HLA-DPB1: variants seen among roughly 807,000 people sequenced by gnomAD.
The protein encoded by HLA-DPB1 is major histocompatibility complex, class II, DP beta 1.
Under a neutral mutation model 29.4 loss-of-function variants are expected in HLA-DPB1, and 30 were observed. The ratio of observed to expected loss-of-function variants is 1.02; its 90% CI spans 0.76 to 1.38. The LOEUF (loss-of-function observed/expected upper bound fraction) is 1.38, where lower values mean the gene tolerates loss of function less well. Among genes scored for constraint, HLA-DPB1 ranks in the 40% most tolerant of loss-of-function variants. The pLI, the probability that HLA-DPB1 is intolerant of heterozygous loss-of-function variation, is 0.00. For missense variants in HLA-DPB1, 261 were observed against 327.5 expected (o/e 0.80, Z 1.57); for synonymous variants, 114 against 134.0 (o/e 0.85, Z 1.03).
intron 4 of HLA-DPB1, 73 bp downstream of exon 4, chr6:33,085,962 T>TC: frequency 1.0e-6 from 1 of 961,842 alleles, no homozygotes; most frequent in East Asian, 2.7e-5. Flanking sequence ...GATGAGGGGT[T>TC]TGACAGAAAA....
intron 2 of HLA-DPB1, among the ~76,000 whole-genome samples, chr6:33,081,621 G>A (rs1002923803): frequency 2.0e-5 from 3 of 152,120 alleles, no homozygotes; most frequent in African/African-American, 4.8e-5. Flanking sequence ...AACAGAAGAT[G>A]GAAAGTGGGT....
In HLA-DPB1 at chr6:33,085,234, G is replaced by A. The variant is rs1193051291; in HGVS notation, c.646+3G>A. On this transcript the variant is annotated splice_donor_region_variant and intron_variant, in intron 3 of 5. Transcript: ENST00000418931. ...TAGTCCTGTCACCGTGGAGTGGAGT[G>A]AGTCTCTGATGACCCTCTAGACCCC... 2 of 1,600,742 alleles carry A rather than the reference G, an allele frequency of 1.2e-6. No individual in the cohort carries two copies. Among genetic ancestry groups the A allele is most frequent in the African/African-American group, 1.3e-5 (1 of 74,602 alleles).
Position 33,080,689 on chromosome 6 carries a change from G to T in HLA-DPB1, c.118G>T (p.Gly40Ter), listed in dbSNP as rs1126511. 349,354 of 1,605,114 alleles carry T rather than the reference G, an allele frequency of 0.22. 39,608 individuals are homozygous for T. Among genetic ancestry groups the T allele is most frequent in the South Asian group, 0.29 (26,585 of 90,890 alleles). ...CCCCGCAGAGAATTACCTTTTCCAG[G>T]GACGGCAGGAATGCTACGCGTTTAA... Reference protein sequence around the residue: ...RATPENYLFQGRQECYAFNGT... With the variant: ...RATPENYLFQ The change falls in exon 2 of 6, where the codon GGA becomes TGA. Residue 40 changes from glycine (G) to a stop codon, truncating the protein, a stop_gained. Transcript: ENST00000418931. LOFTEE classifies it high-confidence loss of function. The surrounding 1 kb of genome is among the most constrained non-coding windows in gnomAD (Gnocchi z 4.3).
At chr6:33,081,833 T>C (rs9501250) in intron 2 of HLA-DPB1, among the ~76,000 whole-genome samples, 5,932 of 151,958 alleles carry the variant, frequency 0.039, 169 homozygotes, top group African/African-American at 0.081. Flanking sequence ...TGTAAAGGGA[T>C]GGAGAGAGGT....
intron 2 of HLA-DPB1, among the ~76,000 whole-genome samples, chr6:33,083,036 T>TG (rs1429612770): frequency 6.6e-6 from 1 of 152,292 alleles, no homozygotes; most frequent in African/African-American, 2.4e-5. Flanking sequence ...AGAAGCTCTA[T>TG]GGGGAAGAAA....
chr6:33,078,669 T>C (rs1265687453), intron 1 of HLA-DPB1, among the ~76,000 whole-genome samples: 1 of 152,224 alleles, frequency 6.6e-6, no homozygotes, highest in Non-Finnish European at 1.5e-5. Context: ...AAACCCCTCA[T>C]TGCTTATGTC....
At chr6:33,085,278 ACT>A (rs1763049662) in intron 3 of HLA-DPB1, 47 bp downstream of exon 3, 1 of 1,479,240 alleles carries the variant, frequency 6.8e-7, no homozygotes, top group Middle Eastern at 1.8e-4. Flanking sequence ...AGAGCAGGGG[ACT>A]CTCTGGCTCT....
intron 2 of HLA-DPB1, among the ~76,000 whole-genome samples, chr6:33,082,381 T>C (rs9277371): frequency 0.35 from 52,861 of 150,540 alleles, 10,647 homozygotes; most frequent in East Asian, 0.63. Context: ...TGAAGACTCT[T>C]CTGGAGATCC....
At chr6:33,084,057 AT>A (rs1562155283) in intron 2 of HLA-DPB1, 1 of 151,284 alleles carries the variant, frequency 6.6e-6, no homozygotes, top group Non-Finnish European at 1.5e-5. Flanking sequence ...AGGTAAAAAA[AT>A]ACATAGGTTT....
At position 33,079,789 on chromosome 6, in the gene HLA-DPB1, G is replaced by A. The variant is rs538806666; in HGVS notation, c.101-883G>A. On this transcript the variant is annotated intron_variant, in intron 1 of 5. Coordinates refer to ENST00000418931, the MANE Select transcript of HLA-DPB1 (RefSeq NM_002121.6). Reference sequence around the variant, plus strand: ...CCTCCAGAACTGCAAAGTCATCATGGAAAGAGTCACCCAGCCGGCCATCAG... The same window carrying A: ...CCTCCAGAACTGCAAAGTCATCATGAAAAGAGTCACCCAGCCGGCCATCAG... 65 of 474,886 alleles carry A rather than the reference G, an allele frequency of 1.4e-4. 1 individual carries two copies. Among genetic ancestry groups the A allele is most frequent in the South Asian group, 4.2e-4 (27 of 64,234 alleles). The allele number at this position is 474,886 out of a possible 1,614,324, so 29.4% of individuals were successfully genotyped here.
intron 1 of HLA-DPB1, 57 bp downstream of exon 1, chr6:33,076,198 A>G: frequency 1.7e-6 from 2 of 1,204,564 alleles, no homozygotes; most frequent in Non-Finnish European, 1.2e-6. Context: ...TTCCTAGGGG[A>G]CGTTATCTTT....
At chr6:33,076,629 A>T (rs1762555129) in intron 1 of HLA-DPB1, among the ~76,000 whole-genome samples, 1 of 152,112 alleles carries the variant, frequency 6.6e-6, no homozygotes, top group African/African-American at 2.4e-5. Context: ...ACAATTAAGG[A>T]GAGAAGGGAG....
Position 33,077,294 on chromosome 6 carries a change from G to A in HLA-DPB1, c.100+1153G>A, listed in dbSNP as rs562509699. ...ACAGTATTCCATGGTGTATATGTGT[G>A]CATTTTCTTAATCCAGTCTATCACT... On this transcript the variant is annotated intron_variant, in intron 1 of 5. Coordinates refer to ENST00000418931, the MANE Select transcript of HLA-DPB1 (RefSeq NM_002121.6). Among the ~76,000 whole-genome samples, 559 of 152,176 alleles carry A rather than the reference G, an allele frequency of 3.7e-3. 5 individuals are homozygous for A. Among genetic ancestry groups the A allele is most frequent in the East Asian group, 0.029 (150 of 5,168 alleles).
chr6:33,077,488 T>C lies in HLA-DPB1; in HGVS notation c.100+1347T>C, dbSNP rs189616402. 1.7e-3 allele frequency among the ~76,000 whole-genome samples: 261 copies of C among 152,234 alleles called. 4 individuals are homozygous for C. The East Asian group carries it at 0.032, about 19-fold the overall frequency. On this transcript the variant is annotated intron_variant, in intron 1 of 5. Coordinates refer to ENST00000418931, the MANE Select transcript of HLA-DPB1 (RefSeq NM_002121.6). ...TTCTAGTTCTAGATCTTTGAGGAAT[T>C]GCCACACTGTCTTGAGATACCATCT...
intron 4 of HLA-DPB1, 26 bp downstream of exon 4, chr6:33,085,915 G>C: frequency 6.9e-7 from 1 of 1,441,042 alleles, no homozygotes; most frequent in Non-Finnish European, 9.7e-7. Flanking sequence ...GGGTGAGCGG[G>C]ACTTACCTTC....
intron 1 of HLA-DPB1, among the ~76,000 whole-genome samples, chr6:33,077,873 C>T (rs141779368): frequency 4.0e-5 from 6 of 150,772 alleles, no homozygotes; most frequent in African/African-American, 1.2e-4. Flanking sequence ...AACCTCTTAT[C>T]TATTACCTTG....
Position 33,075,999 on chromosome 6 carries a change from C to T in HLA-DPB1, c.-43C>T, listed in dbSNP as rs1762514970. The T allele has an allele frequency of 6.8e-7, 1 of 1,478,248 alleles. No homozygotes were observed. Among genetic ancestry groups the T allele is most frequent in the African/African-American group, 1.4e-5 (1 of 72,340 alleles). 91.6% of individuals were successfully genotyped at this position (1,478,248 alleles called of 1,614,324 possible). On this transcript the variant is annotated 5_prime_UTR_variant, in exon 1 of 6. Transcript: ENST00000418931. ...GCTCCCTTTAGCGAGTCCTTCTTTT[C>T]CTGACTGCAGCTCTTTTCATTTTGC...
At position 33,089,546 on chromosome 6, in the gene HLA-DPB1, G is replaced by A. The variant is rs181449363; in HGVS notation, c.*3012G>A. ...AAGAATTTATTCACTGGCTTTTAAT[G>A]ATCCCTCCTAGAAAGAACACACTTC... On this transcript the variant is annotated 3_prime_UTR_variant, in exon 6 of 6. Transcript: ENST00000418931. 4.5e-3 allele frequency among the ~76,000 whole-genome samples: 682 copies of A among 152,300 alleles called. 1 individual carries two copies. Among genetic ancestry groups the A allele is most frequent in the Non-Finnish European group, 6.9e-3 (469 of 68,018 alleles).
intron 1 of HLA-DPB1, among the ~76,000 whole-genome samples, chr6:33,077,183 C>G (rs1410669259): frequency 6.7e-6 from 1 of 150,096 alleles, no homozygotes; most frequent in Non-Finnish European, 1.5e-5. Context: ...GGTTTTTTGT[C>G]CTTGCAATAG....
Sources: gnomAD v4.1 joint callset for allele counts (sites outside exome capture counted in the v4.1 genomes callset) on GRCh38, gnomAD v4.1.1 for gene constraint, Gnocchi (gnomAD v3.1) non-coding constraint, MANE v1.5 for transcripts, NCBI Gene and HGNC (gene_info 2026-07-23, HGNC 2026-07-21) for gene names.